The following BACE2 variants were observed in gnomAD, a reference collection of about 807,000 sequenced individuals.
BACE2 encodes the protein 56 kDa aspartic-like protease.
A neutral mutation model predicts 46.2 loss-of-function variants in BACE2; 17 were observed. The observed-to-expected ratio is 0.37, with a 90% CI of 0.25 to 0.55. The LOEUF is 0.55. Among genes scored for constraint, BACE2 ranks in the 20% least tolerant of loss-of-function variants. BACE2 has a pLI of 0.82. For missense variants in BACE2, 595 were observed against 698.1 expected, an observed-to-expected ratio of 0.85 and a Z score of 1.66; for synonymous variants, 277 against 295.9, an observed-to-expected ratio of 0.94 and a Z score of 0.66.
At chr21:41,174,286 G>A (rs1447672105) in intron 1 of BACE2, among the ~76,000 whole-genome samples, 1 of 151,826 alleles carries the variant, frequency 6.6e-6, no homozygotes, top group African/African-American at 2.4e-5. Context: ...GCGACTACAG[G>A]TGTGTGCCAC....
intron 1 of BACE2, among the ~76,000 whole-genome samples, chr21:41,173,998 C>T (rs910619097): frequency 2.6e-5 from 4 of 152,010 alleles, no homozygotes; most frequent in African/African-American, 9.7e-5. Context: ...CCCCATACTT[C>T]CCGCCATACT....
chr21:41,238,233 TGCCCTGGGGAGAGC>T (rs1987182060), intron 3 of BACE2, among the ~76,000 whole-genome samples: 1 of 152,194 alleles, frequency 6.6e-6, no homozygotes, highest in Non-Finnish European at 1.5e-5. Flanking sequence ...CCTGAAGGCA[TGCCCTGGGGAGAGC>T]CAGCCCTTCC....
rs967607907 is a variant in BACE2 at position 41,281,566 on chromosome 21, T to C, written c.*5942T>C. On this transcript the variant is annotated 3_prime_UTR_variant, in exon 9 of 9. Transcript: ENST00000330333. ...CATTGCAAGTTCCCTGATATGAGTA[T>C]GGTTTCGCTTGCTACATTGTGCCTA... 6.6e-6 allele frequency: 1 copy of C among 152,242 alleles called. No homozygotes were observed. Among genetic ancestry groups the C allele is most frequent in the Non-Finnish European group, 1.5e-5 (1 of 68,046 alleles). 9.4% of individuals were successfully genotyped at this position (152,242 alleles called of 1,614,324 possible). A position where few individuals can be genotyped will look rare whatever the true frequency, so the allele number is the denominator to read the frequency against.
At chr21:41,275,219 AC>A in intron 8 of BACE2, 151 bp from the exon 9 acceptor site, 1 of 1,037,450 alleles carries the variant, frequency 9.6e-7, no homozygotes. Flanking sequence ...CTGAGCCGTG[AC>A]CCCACTCAGT....
Position 41,276,310 on chromosome 21 carries a change from TCTC to T in BACE2, c.*690_*692del, listed in dbSNP as rs1346845453. The T allele has an allele frequency of 2.0e-5, 3 of 152,238 alleles. No homozygotes were observed. Among genetic ancestry groups the T allele is most frequent in the African/African-American group, 4.8e-5 (2 of 41,428 alleles). 9.4% of individuals were successfully genotyped at this position (152,238 alleles called of 1,614,324 possible). A position where few individuals can be genotyped will look rare whatever the true frequency, so the allele number is the denominator to read the frequency against. On this transcript the variant is annotated 3_prime_UTR_variant, in exon 9 of 9. Transcript: ENST00000330333. ...CCCGTTGAGGTAGAGGGGAAGGAAA[TCTC>T]CTCTTTTGTACCCAATACTTATGTT...
Position 41,275,786 on chromosome 21 carries a change from T to A in BACE2, c.*162T>A. On this transcript the variant is annotated 3_prime_UTR_variant, in exon 9 of 9. Coordinates refer to ENST00000330333, the MANE Select transcript of BACE2 (RefSeq NM_012105.5). ...TTCTAGATTCACTGTCTTTTGATTC[T>A]TGATTTTCAAGCTTTCAAATCCTCC... 1.2e-6 allele frequency: 1 copy of A among 848,496 alleles called. No homozygotes were observed. The highest frequency in any genetic ancestry group is 1.7e-6 in the Non-Finnish European group (1 of 572,650). The allele number at this position is 848,496 out of a possible 1,614,324, so 52.6% of individuals were successfully genotyped here. A position where few individuals can be genotyped will look rare whatever the true frequency, so the allele number is the denominator to read the frequency against.
chr21:41,227,621 T>C (rs201393137), intron 2 of BACE2, among the ~76,000 whole-genome samples: 2 of 152,352 alleles, frequency 1.3e-5, no homozygotes, highest in South Asian at 2.1e-4. Flanking sequence ...GGGAGAGGGC[T>C]GTGGTGGCCA....
chr21:41,231,913 C>T (rs548409218), intron 2 of BACE2, among the ~76,000 whole-genome samples: 14 of 152,032 alleles, frequency 9.2e-5, no homozygotes, highest in South Asian at 6.2e-4. Flanking sequence ...GGAAACTCTA[C>T]GCTAATAATA....
chr21:41,195,589 C>G (rs552704375), intron 1 of BACE2, among the ~76,000 whole-genome samples: 21 of 152,338 alleles, frequency 1.4e-4, no homozygotes, highest in African/African-American at 5.1e-4. Flanking sequence ...CCCCTCACAC[C>G]TCCATTCTCC....
chr21:41,256,265 G>A (rs1301341969), intron 7 of BACE2, among the ~76,000 whole-genome samples: 1 of 151,960 alleles, frequency 6.6e-6, no homozygotes, highest in Non-Finnish European at 1.5e-5. Flanking sequence ...GACAGGTCCT[G>A]GTGTGTGATG....
chr21:41,227,131 T>C (rs1986842323), intron 2 of BACE2, among the ~76,000 whole-genome samples: 1 of 152,296 alleles, frequency 6.6e-6, no homozygotes, highest in Admixed American at 6.5e-5. Flanking sequence ...GCTCTAATGC[T>C]GTGCACGTTT....
chr21:41,204,163 C>A (rs995027850), intron 1 of BACE2, among the ~76,000 whole-genome samples: 3 of 152,212 alleles, frequency 2.0e-5, no homozygotes, highest in African/African-American at 7.2e-5. Context: ...ATTACAGGCA[C>A]TCACCATCAT....
In BACE2 at chr21:41,204,864, C is replaced by T. The variant is rs1037411239; in HGVS notation, c.313-21402C>T. On this transcript the variant is annotated intron_variant, in intron 1 of 8. Coordinates refer to ENST00000330333, the MANE Select transcript of BACE2 (RefSeq NM_012105.5). ...ATTTAATGCTTTCTTGTGAGAAATT[C>T]CCTTGGAAGGGCTTTAAGAAAGTCT... 5.3e-5 allele frequency among the ~76,000 whole-genome samples: 8 copies of T among 152,160 alleles called. No homozygotes were observed. The South Asian group carries it at 6.2e-4, about 12-fold the overall frequency.
chr21:41,186,049 C>G (rs1237965514), intron 1 of BACE2: 1 of 152,314 alleles, frequency 6.6e-6, no homozygotes, highest in Non-Finnish European at 1.5e-5. Context: ...GAAGGGGTGG[C>G]AAGAATGTGC....
intron 1 of BACE2, among the ~76,000 whole-genome samples, chr21:41,206,272 T>A (rs1986119819): frequency 6.6e-6 from 1 of 152,026 alleles, no homozygotes; most frequent in African/African-American, 2.4e-5. Context: ...AGAAAGAGGG[T>A]GAGAGCTCCT....
chr21:41,243,229 G>A (rs917289890), intron 4 of BACE2, 147 bp from the exon 5 acceptor site: 1 of 649,666 alleles, frequency 1.5e-6, no homozygotes, highest in African/African-American at 1.9e-5. Flanking sequence ...TATTTTTTAA[G>A]CATTGATATT....
In BACE2 at chr21:41,275,476, T is replaced by C; in HGVS notation, c.1409T>C (p.Ile470Thr). 6.2e-7 allele frequency: 1 copy of C among 1,614,148 alleles called. No individual in the cohort carries two copies. The highest frequency in any genetic ancestry group is 8.5e-7 in the Non-Finnish European group (1 of 1,180,020). ...AQSLSEPILW[I>T]VSYALMSVCG... ...TCTTTGAGCGAGCCCATTTTGTGGA[T>C]TGTGTCCTATGCGCTCATGAGCGTC... The change falls in exon 9 of 9, where the codon ATT becomes ACT. Residue 470 changes from isoleucine (I) to threonine (T), a missense_variant. Coordinates refer to ENST00000330333, the MANE Select transcript of BACE2 (RefSeq NM_012105.5).
Position 41,275,891 on chromosome 21 carries a change from G to A in BACE2, c.*267G>A. The A allele has an allele frequency of 2.1e-6, 1 of 480,042 alleles. No individual in the cohort carries two copies. The highest frequency in any genetic ancestry group is 2.8e-5 in the South Asian group (1 of 35,248). The allele number at this position is 480,042 out of a possible 1,614,324, so 29.7% of individuals were successfully genotyped here. On this transcript the variant is annotated 3_prime_UTR_variant, in exon 9 of 9. Coordinates refer to ENST00000330333, the MANE Select transcript of BACE2 (RefSeq NM_012105.5). ...TGGATTGGGCTGCAGGCTCTATGGG[G>A]TTCGTTATGCCAAAGTGTCTACATG...
rs1278532389 is a variant in BACE2 at position 41,278,653 on chromosome 21, G to A, written c.*3029G>A. The A allele has an allele frequency of 2.0e-5, 3 of 152,196 alleles. No individual in the cohort carries two copies. Among genetic ancestry groups the A allele is most frequent in the Admixed American group, 1.3e-4 (2 of 15,270 alleles). 9.4% of individuals were successfully genotyped at this position (152,196 alleles called of 1,614,324 possible). A position where few individuals can be genotyped will look rare whatever the true frequency, so the allele number is the denominator to read the frequency against. ...CATTAGTGACTCCGCAGTGCTTTGGGTAATAGATTTTGAAAAGCAATTGTG... is the reference window on the plus strand; with the variant it reads ...CATTAGTGACTCCGCAGTGCTTTGGATAATAGATTTTGAAAAGCAATTGTG... On this transcript the variant is annotated 3_prime_UTR_variant, in exon 9 of 9. Coordinates refer to ENST00000330333, the MANE Select transcript of BACE2 (RefSeq NM_012105.5).
Sources: allele counts gnomAD v4.1 joint callset (sites outside exome capture counted in the v4.1 genomes callset), GRCh38; gene constraint gnomAD v4.1.1; transcripts MANE v1.5; gene names NCBI Gene and HGNC (gene_info 2026-07-23, HGNC 2026-07-21).